ZEB1: variants seen among roughly 807,000 people sequenced by gnomAD.
The protein encoded by ZEB1 is zinc finger E-box binding homeobox 1, also known as zinc finger E-box-binding homeobox 1.
A neutral mutation model predicts 84.9 loss-of-function variants in ZEB1; 21 were observed. The ratio of observed to expected loss-of-function variants is 0.25; its 90% CI spans 0.18 to 0.36. The LOEUF (loss-of-function observed/expected upper bound fraction) is 0.36, where lower values mean the gene tolerates loss of function less well. ZEB1 is among the 10% of genes least tolerant of loss of function. The pLI, the probability that ZEB1 is intolerant of heterozygous loss-of-function variation, is 1.00. For synonymous variants in ZEB1, 420 were observed against 471.1 expected, an observed-to-expected ratio of 0.89 and a Z score of 1.41; for missense variants, 1,104 against 1,330.2, an observed-to-expected ratio of 0.83 and a Z score of 2.65.
intron 1 of ZEB1, among the ~76,000 whole-genome samples, chr10:31,343,893 C>T (rs1472495388): frequency 3.3e-5 from 5 of 152,120 alleles, no homozygotes; most frequent in African/African-American, 9.7e-5. Flanking sequence ...GATGTTTTTA[C>T]TGAATGCGCC....
intron 1 of ZEB1, among the ~76,000 whole-genome samples, chr10:31,447,811 G>C (rs1006264370): frequency 1.2e-4 from 19 of 152,090 alleles, no homozygotes; most frequent in Non-Finnish European, 2.4e-4. Flanking sequence ...TCCCTTTGAG[G>C]GTAACCCGAC....
chr10:31,465,528 A>G (rs544719395), intron 2 of ZEB1, among the ~76,000 whole-genome samples: 1 of 152,042 alleles, frequency 6.6e-6, no homozygotes, highest in Admixed American at 6.5e-5. Context: ...CTTTTCAGAA[A>G]ACAATAAAAT....
chr10:31,457,238 G>A (rs2061343898), intron 1 of ZEB1, among the ~76,000 whole-genome samples: 1 of 152,082 alleles, frequency 6.6e-6, no homozygotes, highest in South Asian at 2.1e-4. Context: ...GATAACTGAA[G>A]CCCTCATTGG....
At position 31,392,915 on chromosome 10, in the gene ZEB1, G is replaced by A. The variant is rs538632127; in HGVS notation, c.59-68122G>A. On this transcript the variant is annotated intron_variant, in intron 1 of 8. Coordinates refer to ENST00000424869, the MANE Select transcript of ZEB1 (RefSeq NM_001174096.2). ...AGTGGCACAACCACAGCTCACTGGA[G>A]CCTCGACCTCTGAGGCTCAAGCCAT... Among the ~76,000 whole-genome samples the A allele has an allele frequency of 6.6e-5, 10 of 152,204 alleles. No individual in the cohort carries two copies. The South Asian group carries it at 2.1e-3, about 32-fold the overall frequency.
In ZEB1 at chr10:31,526,834, G is replaced by A; in HGVS notation, c.2948G>A (p.Arg983His). 6.2e-7 allele frequency: 1 copy of A among 1,614,132 alleles called. No individual in the cohort carries two copies. Among genetic ancestry groups the A allele is most frequent in the Non-Finnish European group, 8.5e-7 (1 of 1,180,024 alleles). The change falls in exon 9 of 9, where the codon CGC becomes CAC. Residue 983 changes from arginine to histidine, a missense_variant. This residue lies in a region of ZEB1 where 53 missense variants were observed against 92.5 expected (regional missense o/e 0.57). Transcript: ENST00000424869. ...SGSYSQHMNH[R>H]YSYCKREAEE... is the part of the protein sequence containing the mutation. ...TCTTATTCTCAACACATGAATCATC[G>A]CTACTCCTACTGTAAGAGAGAAGCG... is the stretch of plus-strand genomic sequence containing the variant.
chr10:31,415,878 G>A (rs1467625731), intron 1 of ZEB1, among the ~76,000 whole-genome samples: 1 of 151,994 alleles, frequency 6.6e-6, no homozygotes, highest in Non-Finnish European at 1.5e-5. Context: ...AAGTTACTCA[G>A]AATTTCTCCA....
At chr10:31,332,314 T>A (rs540174505) in intron 1 of ZEB1, among the ~76,000 whole-genome samples, 34 of 152,136 alleles carry the variant, frequency 2.2e-4, no homozygotes, top group South Asian at 6.2e-4. Flanking sequence ...AATTGTATAT[T>A]TTTTTTTCCT....
At chr10:31,458,079 G>A (rs2137321946) in intron 1 of ZEB1, among the ~76,000 whole-genome samples, 1 of 152,148 alleles carries the variant, frequency 6.6e-6, no homozygotes, top group African/African-American at 2.4e-5. Flanking sequence ...CAGTTTCACT[G>A]GTCAAGCATA....
chr10:31,436,915 T>C (rs374967894), intron 1 of ZEB1, among the ~76,000 whole-genome samples: 6 of 152,170 alleles, frequency 3.9e-5, no homozygotes, highest in Admixed American at 2.6e-4. Flanking sequence ...TATAAGAAAA[T>C]GGGTAGTTAG....
chr10:31,414,327 G>T (rs1376427065), intron 1 of ZEB1, among the ~76,000 whole-genome samples: 1 of 152,076 alleles, frequency 6.6e-6, no homozygotes, highest in Non-Finnish European at 1.5e-5. Flanking sequence ...AAAATTAAAT[G>T]CATTGTGGTG....
At chr10:31,497,283 T>C (rs996546336) in intron 3 of ZEB1, among the ~76,000 whole-genome samples, 1 of 152,094 alleles carries the variant, frequency 6.6e-6, no homozygotes, top group Admixed American at 6.6e-5. Flanking sequence ...TGCTCACAGG[T>C]TTACAGTATT....
At chr10:31,515,727 G>T (rs201969399) in intron 6 of ZEB1, among the ~76,000 whole-genome samples, 2 of 151,994 alleles carry the variant, frequency 1.3e-5, no homozygotes, top group East Asian at 3.9e-4. Context: ...CTCAAACCAA[G>T]ATCCTTACCA....
chr10:31,473,432 C>G (rs1248274604), intron 2 of ZEB1, among the ~76,000 whole-genome samples: 1 of 151,984 alleles, frequency 6.6e-6, no homozygotes, highest in African/African-American at 2.4e-5. Context: ...AACAGAGAGC[C>G]AAATCATGAG....
At chr10:31,400,866 T>C (rs2051848169) in intron 1 of ZEB1, among the ~76,000 whole-genome samples, 1 of 152,222 alleles carries the variant, frequency 6.6e-6, no homozygotes, top group Admixed American at 6.5e-5. Flanking sequence ...ATAATTATTT[T>C]TTCTTGACTA....
intron 1 of ZEB1, among the ~76,000 whole-genome samples, chr10:31,371,533 A>G (rs1339575357): frequency 6.6e-6 from 1 of 152,186 alleles, no homozygotes; most frequent in African/African-American, 2.4e-5. Flanking sequence ...TTCTTGATAT[A>G]AAGTCTTCTC....
intron 1 of ZEB1, among the ~76,000 whole-genome samples, chr10:31,333,860 T>A (rs945666786): frequency 6.6e-6 from 1 of 152,022 alleles, no homozygotes; most frequent in African/African-American, 2.4e-5. Flanking sequence ...AAAAAGGATT[T>A]AAAAAGATAT....
chr10:31,398,436 G>A (rs2135425570), intron 1 of ZEB1, among the ~76,000 whole-genome samples: 1 of 151,948 alleles, frequency 6.6e-6, no homozygotes, highest in South Asian at 2.1e-4. Flanking sequence ...AAAAATTGGG[G>A]CAATTCTGCC....
At chr10:31,498,761 A>T (rs1591879942) in intron 3 of ZEB1, among the ~76,000 whole-genome samples, 1 of 151,988 alleles carries the variant, frequency 6.6e-6, no homozygotes, top group Non-Finnish European at 1.5e-5. Flanking sequence ...TATCTTTTTT[A>T]AAAATATGAA....
chr10:31,356,347 GATGTGTAT>G (rs1369934145), intron 1 of ZEB1, among the ~76,000 whole-genome samples: 2 of 135,186 alleles, frequency 1.5e-5, no homozygotes, highest in African/African-American at 3.7e-5. Context: ...GGACATATAT[GATGTGTAT>G]ATATATATAT....
Sources: allele counts gnomAD v4.1 joint callset (sites outside exome capture counted in the v4.1 genomes callset), GRCh38; gene constraint gnomAD v4.1.1; regional missense constraint gnomAD v4.1.1; transcripts MANE v1.5; gene names NCBI Gene and HGNC (gene_info 2026-07-23, HGNC 2026-07-21).